The following PPP4R3B variants were observed in gnomAD, a reference collection of about 807,000 sequenced individuals.
The protein encoded by PPP4R3B is protein phosphatase 4 regulatory subunit 3B, also known as serine/threonine-protein phosphatase 4 regulatory subunit 3B.
Under a neutral mutation model 95.4 loss-of-function variants are expected in PPP4R3B, and 52 were observed. That is an observed-to-expected ratio of 0.54 (90% CI 0.44 to 0.69). The LOEUF is 0.69. Among genes scored for constraint, PPP4R3B ranks in the 30% least tolerant of loss-of-function variants. The probability of loss-of-function intolerance (pLI) is 0.00; values close to 1 mark genes in which losing one functional copy is unlikely to be tolerated. For synonymous variants in PPP4R3B, 407 were observed against 343.9 expected (o/e 1.18, Z -2.03); for missense variants, 1,003 against 1,005.9 (o/e 1.00, Z 0.04).
chr2:55,606,679 C>T (rs1049324659), intron 2 of PPP4R3B, among the ~76,000 whole-genome samples: 6 of 151,738 alleles, frequency 4.0e-5, no homozygotes, highest in African/African-American at 9.7e-5. Flanking sequence ...CAGAATTAGC[C>T]GGGTGTGGTA....
chr2:55,564,791 A>T (rs1447538249), intron 14 of PPP4R3B, 111 bp downstream of exon 14: 3 of 1,298,836 alleles, frequency 2.3e-6, no homozygotes, highest in Non-Finnish European at 3.2e-6. Context: ...ACTCTATGCT[A>T]TCCAGTGATG....
intron 13 of PPP4R3B, 171 bp downstream of exon 13, chr2:55,568,023 G>C: frequency 2.6e-6 from 1 of 383,760 alleles, no homozygotes; most frequent in Non-Finnish European, 4.4e-6. Context: ...GAATTAAAAA[G>C]CTACTGATTT....
intron 4 of PPP4R3B, among the ~76,000 whole-genome samples, chr2:55,595,880 C>T (rs1383280652): frequency 1.3e-5 from 2 of 152,074 alleles, no homozygotes; most frequent in African/African-American, 4.8e-5. Flanking sequence ...TATATAGTAG[C>T]TGCTCAATAA....
At chr2:55,579,266 T>C (rs1689115717) in intron 9 of PPP4R3B, among the ~76,000 whole-genome samples, 1 of 152,142 alleles carries the variant, frequency 6.6e-6, no homozygotes. Context: ...CATATGAATG[T>C]GCATTTGGAG....
chr2:55,553,863 T>G lies in PPP4R3B; in HGVS notation c.2455-3857A>C, dbSNP rs1040141844. ...TATCCATTCATCAGCTGAGAGACAT[T>G]TGGGTTATTCTTACTTTTTGGCTAT... On this transcript the variant is annotated intron_variant, in intron 16 of 16. Coordinates refer to ENST00000616407, the MANE Select transcript of PPP4R3B (RefSeq NM_001122964.3). Among the ~76,000 whole-genome samples the G allele has an allele frequency of 1.7e-4, 26 of 152,294 alleles. 1 individual carries two copies. The highest frequency in any genetic ancestry group is 4.3e-4 in the African/African-American group (18 of 41,562).
chr2:55,555,752 G>A (rs1685771241), intron 16 of PPP4R3B, among the ~76,000 whole-genome samples: 1 of 152,112 alleles, frequency 6.6e-6, no homozygotes, highest in Admixed American at 6.5e-5. Flanking sequence ...ATTATAAATT[G>A]TTATATCCAT....
chr2:55,579,484 T>A (rs534981273), intron 9 of PPP4R3B, among the ~76,000 whole-genome samples, 195 bp downstream of exon 9: 1 of 147,644 alleles, frequency 6.8e-6, no homozygotes, highest in Non-Finnish European at 1.5e-5. Context: ...CCCGAAAGAA[T>A]AGTCTTGCCA....
intron 15 of PPP4R3B, among the ~76,000 whole-genome samples, chr2:55,563,464 C>T (rs1486354860): frequency 6.6e-6 from 1 of 152,164 alleles, no homozygotes; most frequent in Non-Finnish European, 1.5e-5. Flanking sequence ...CTTCGACCTC[C>T]TGGGCTCAAG....
chr2:55,597,804 A>T (rs1376038169), intron 4 of PPP4R3B, among the ~76,000 whole-genome samples: 2 of 152,178 alleles, frequency 1.3e-5, no homozygotes, highest in African/African-American at 2.4e-5. Context: ...TCCATCTCAA[A>T]AAATAAATAA....
intron 2 of PPP4R3B, among the ~76,000 whole-genome samples, chr2:55,611,520 G>C (rs994783597): frequency 1.3e-5 from 2 of 152,196 alleles, no homozygotes; most frequent in African/African-American, 4.8e-5. Flanking sequence ...ACTATGCACA[G>C]TAAGGAAGAA....
intron 12 of PPP4R3B, among the ~76,000 whole-genome samples, chr2:55,570,270 A>G (rs1687843551): frequency 6.6e-6 from 1 of 152,188 alleles, no homozygotes; most frequent in Admixed American, 6.5e-5. Flanking sequence ...CAATTTGTGA[A>G]CCAATCCTAT....
chr2:55,608,896 G>A (rs1333485591), intron 2 of PPP4R3B, among the ~76,000 whole-genome samples: 1 of 151,948 alleles, frequency 6.6e-6, no homozygotes, highest in East Asian at 1.9e-4. Context: ...GAGGTGGGAG[G>A]ATCGCACCTA....
Position 55,578,103 on chromosome 2 carries a change from ACACTGGATAAAAAATATG to A in PPP4R3B, c.1564+126_1564+143del, listed in dbSNP as rs1334364669. On this transcript the variant is annotated intron_variant, in intron 10 of 16. Transcript: ENST00000616407. ...TCAATACGAATAGATCTCAAAAATAACACTGGATAAAAAATATGCAGAATAATATGTATGACAGACATT... is the reference window on the plus strand; with the variant it reads ...TCAATACGAATAGATCTCAAAAATAACAGAATAATATGTATGACAGACATT... 4.9e-6 allele frequency: 4 copies of A among 815,676 alleles called. No homozygotes were observed. The African/African-American group carries it at 7.1e-5, about 15-fold the overall frequency. 50.5% of individuals were successfully genotyped at this position (815,676 alleles called of 1,614,324 possible). A position where few individuals can be genotyped will look rare whatever the true frequency, so the allele number is the denominator to read the frequency against.
At chr2:55,601,825 T>C (rs1692658436) in intron 3 of PPP4R3B, among the ~76,000 whole-genome samples, 1 of 152,218 alleles carries the variant, frequency 6.6e-6, no homozygotes, top group Admixed American at 6.5e-5. Context: ...ATATAAATCT[T>C]ATAATACTGA....
chr2:55,602,778 G>A (rs376213045), intron 3 of PPP4R3B, among the ~76,000 whole-genome samples: 38 of 152,242 alleles, frequency 2.5e-4, no homozygotes, highest in African/African-American at 8.4e-4. Flanking sequence ...TTTCCCACTG[G>A]TTATTGGAAT....
At chr2:55,615,983 A>T (rs1461625700) in intron 1 of PPP4R3B, among the ~76,000 whole-genome samples, 1 of 144,758 alleles carries the variant, frequency 6.9e-6, no homozygotes, top group African/African-American at 2.6e-5. Context: ...TTTTCTCTCC[A>T]AATCTAGGCT....
At chr2:55,559,893 G>A (rs937375883) in intron 15 of PPP4R3B, among the ~76,000 whole-genome samples, 1 of 152,012 alleles carries the variant, frequency 6.6e-6, no homozygotes, top group Non-Finnish European at 1.5e-5. Context: ...TGGCTGAGGA[G>A]GGTGGATCAC....
chr2:55,606,256 AAAGG>A (rs1326385125), intron 2 of PPP4R3B, among the ~76,000 whole-genome samples: 2 of 152,198 alleles, frequency 1.3e-5, no homozygotes, highest in Non-Finnish European at 2.9e-5. Context: ...GAAAAGTCTT[AAAGG>A]AAGATAACAT....
In PPP4R3B at chr2:55,585,135, A is replaced by G; in HGVS notation, c.1149T>C (p.Ala383=). ...CTACTAGATAAGAAAATATATCTGT[A>G]GCAGCTGATCTGACTTGCAAATCAT... ...GMDDLQVRSA[A]TDIFSYLVEF... Residue 383 remains alanine, a synonymous_variant, in exon 7 of 17, where the codon GCT becomes GCC. Coordinates refer to ENST00000616407, the MANE Select transcript of PPP4R3B (RefSeq NM_001122964.3). The G allele has an allele frequency of 6.2e-7, 1 of 1,610,880 alleles. No individual in the cohort carries two copies. Among genetic ancestry groups the G allele is most frequent in the Admixed American group, 1.7e-5 (1 of 59,640 alleles).
Sources: gnomAD v4.1 joint callset for allele counts (sites outside exome capture counted in the v4.1 genomes callset) on GRCh38, gnomAD v4.1.1 for gene constraint, MANE v1.5 for transcripts, NCBI Gene and HGNC (gene_info 2026-07-23, HGNC 2026-07-21) for gene names.